PDZRN4: variants seen among roughly 807,000 people sequenced by gnomAD.
PDZRN4 encodes the protein PDZ domain containing ring finger 4.
PDZRN4 carries 70 observed loss-of-function variants against 99.0 expected under a neutral mutation model. The ratio of observed to expected loss-of-function variants is 0.71; its 90% CI spans 0.58 to 0.86. The LOEUF (loss-of-function observed/expected upper bound fraction) is 0.86, where lower values mean the gene tolerates loss of function less well. Ranked by LOEUF, PDZRN4 falls within the 40% of genes least tolerant of loss-of-function variation. The pLI, the probability that PDZRN4 is intolerant of heterozygous loss-of-function variation, is 0.00. For missense variants in PDZRN4, 1,474 were observed against 1,331.2 expected, an observed-to-expected ratio of 1.11 and a Z score of -1.67; for synonymous variants, 551 against 501.6, an observed-to-expected ratio of 1.10 and a Z score of -1.32.
intron 5 of PDZRN4, among the ~76,000 whole-genome samples, chr12:41,520,108 C>A (rs1184184496): frequency 6.6e-6 from 1 of 152,044 alleles, no homozygotes; most frequent in Non-Finnish European, 1.5e-5. Context: ...CTGTTCTATA[C>A]CATTGATTTC....
At chr12:41,522,662 A>G (rs1938512920) in intron 5 of PDZRN4, among the ~76,000 whole-genome samples, 1 of 152,170 alleles carries the variant, frequency 6.6e-6, no homozygotes, top group East Asian at 1.9e-4. Context: ...AGAAAGCCAT[A>G]CGTTCTCTCA....
rs145025729 is a variant in PDZRN4 at position 41,414,842 on chromosome 12, G to A, written c.844-91614G>A. Among the ~76,000 whole-genome samples, 410 of 152,288 alleles carry A rather than the reference G, an allele frequency of 2.7e-3. 7 individuals carry two copies. Among genetic ancestry groups the A allele is most frequent in the Non-Finnish European group, 8.5e-4 (58 of 68,010 alleles). On this transcript the variant is annotated intron_variant, in intron 3 of 9. Coordinates refer to ENST00000402685, the MANE Select transcript of PDZRN4 (RefSeq NM_001164595.2). ...TGTCCCAGAAGTGTCATAGTAAAATGAGTAGGCATTTACAAGACAAAGAGA... is the reference window on the plus strand; with the variant it reads ...TGTCCCAGAAGTGTCATAGTAAAATAAGTAGGCATTTACAAGACAAAGAGA...
Position 41,572,691 on chromosome 12 carries a change from C to T in PDZRN4, c.1912C>T (p.Arg638Ter), listed in dbSNP as rs868359646. 2 of 1,614,000 alleles carry T rather than the reference C, an allele frequency of 1.2e-6. No individual in the cohort carries two copies. Among genetic ancestry groups the T allele is most frequent in the Non-Finnish European group, 1.7e-6 (2 of 1,179,996 alleles). The change falls in exon 10 of 10, where the codon CGA becomes TGA. Residue 638 changes from arginine to a stop codon, truncating the protein, a stop_gained. Transcript: ENST00000402685. LOFTEE classifies it high-confidence loss of function. ...RQLLELKCKIRNHGEYDLYYS... is the reference protein window; with the variant it reads ...RQLLELKCKI ...GCTCTTGGAGCTCAAATGCAAGATTCGAAATCATGGAGAGTATGACCTGTA... is the reference window on the plus strand; with the variant it reads ...GCTCTTGGAGCTCAAATGCAAGATTTGAAATCATGGAGAGTATGACCTGTA...
At chr12:41,532,120 G>T (rs1938671887) in intron 5 of PDZRN4, among the ~76,000 whole-genome samples, 1 of 151,856 alleles carries the variant, frequency 6.6e-6, no homozygotes, top group Admixed American at 6.6e-5. Flanking sequence ...AGAATTTGGG[G>T]CCTAAATTTA....
chr12:41,462,520 T>C (rs553013394), intron 3 of PDZRN4, among the ~76,000 whole-genome samples: 1 of 152,328 alleles, frequency 6.6e-6, no homozygotes, highest in South Asian at 2.1e-4. Context: ...CACCAGTTAG[T>C]CATTCCTTCA....
At chr12:41,330,157 G>A (rs936703332) in intron 3 of PDZRN4, among the ~76,000 whole-genome samples, 8 of 151,996 alleles carry the variant, frequency 5.3e-5, no homozygotes, top group Admixed American at 2.0e-4. Context: ...TCCAAAATTA[G>A]CATAGTGAGT....
At chr12:41,381,303 T>G (rs11835941) in intron 3 of PDZRN4, among the ~76,000 whole-genome samples, 71,796 of 151,918 alleles carry the variant, frequency 0.47, 17,733 homozygotes, top group Middle Eastern at 0.65. Context: ...CTTTCTGCAC[T>G]TTCTGCAACT....
At chr12:41,500,780 T>A (rs756074562) in intron 3 of PDZRN4, among the ~76,000 whole-genome samples, 1 of 152,142 alleles carries the variant, frequency 6.6e-6, no homozygotes, top group Non-Finnish European at 1.5e-5. Flanking sequence ...TAAAATTAAT[T>A]TGAAGATTGT....
At chr12:41,406,075 T>G (rs1192582288) in intron 3 of PDZRN4, among the ~76,000 whole-genome samples, 1 of 151,506 alleles carries the variant, frequency 6.6e-6, no homozygotes, top group Non-Finnish European at 1.5e-5. Context: ...AATAAATAAA[T>G]ACATATTTAA....
intron 3 of PDZRN4, among the ~76,000 whole-genome samples, chr12:41,485,403 C>T (rs1455078119): frequency 2.0e-5 from 3 of 152,142 alleles, no homozygotes; most frequent in African/African-American, 2.4e-5. Context: ...ACGGAAATGA[C>T]AAGTCAGGAA....
intron 4 of PDZRN4, among the ~76,000 whole-genome samples, chr12:41,507,483 A>G (rs1183687603): frequency 2.6e-5 from 4 of 152,032 alleles, no homozygotes; most frequent in African/African-American, 7.2e-5. Flanking sequence ...ACCTACTCCA[A>G]TCCGCTCTCT....
At chr12:41,538,494 A>G (rs373614619) in intron 5 of PDZRN4, among the ~76,000 whole-genome samples, 2 of 152,200 alleles carry the variant, frequency 1.3e-5, no homozygotes, top group South Asian at 2.1e-4. Flanking sequence ...TCGATGATCC[A>G]TGTTTTTGCA....
chr12:41,509,889 C>G lies in PDZRN4; in HGVS notation c.1179C>G (p.Asp393Glu), dbSNP rs1189839681. 11 of 1,586,834 alleles carry G rather than the reference C, an allele frequency of 6.9e-6. No homozygotes were observed. Among genetic ancestry groups the G allele is most frequent in the Non-Finnish European group, 8.6e-6 (10 of 1,158,058 alleles). Reference sequence around the variant, plus strand: ...TTTCCAGCTTGCCTGCTGATGCAGACAGAACAGAAGACTTTGAATATGAGG... The same window carrying G: ...TTTCCAGCTTGCCTGCTGATGCAGAGAGAACAGAAGACTTTGAATATGAGG... ...EYISSLPADA[D>E]RTEDFEYEEV... The change falls in exon 5 of 10, where the codon GAC becomes GAG. Residue 393 changes from aspartate (D) to glutamate (E), a missense_variant. By Grantham distance (45) the Asp-to-Glu change is conservative. Coordinates refer to ENST00000402685, the MANE Select transcript of PDZRN4 (RefSeq NM_001164595.2).
At chr12:41,410,209 G>T (rs59662716) in intron 3 of PDZRN4, among the ~76,000 whole-genome samples, 10,132 of 152,096 alleles carry the variant, frequency 0.067, 840 homozygotes, top group East Asian at 0.18. Flanking sequence ...TTTCTAACAC[G>T]ATTTTTCATG....
rs909025211 is a variant in PDZRN4, at chr12:41,442,610, T to C, written c.844-63846T>C. ...CTGCTGGCGAAGGCCCATATCACTC[T>C]GTCTTCCTCTCTACTTTATATCTAA... On this transcript the variant is annotated intron_variant, in intron 3 of 9. Transcript: ENST00000402685. Among the ~76,000 whole-genome samples the C allele has an allele frequency of 3.9e-5, 6 of 152,320 alleles. No individual in the cohort carries two copies. In the East Asian group the frequency reaches 1.2e-3, roughly 29 times the overall value.
At chr12:41,304,202 T>A (rs776095890) in intron 3 of PDZRN4, among the ~76,000 whole-genome samples, 10 of 152,196 alleles carry the variant, frequency 6.6e-5, no homozygotes, top group Non-Finnish European at 1.5e-4. Context: ...TACAAAGTGC[T>A]TTCCTATATG....
chr12:41,494,571 T>C (rs1235645762), intron 3 of PDZRN4, among the ~76,000 whole-genome samples: 3 of 150,606 alleles, frequency 2.0e-5, no homozygotes, highest in African/African-American at 7.4e-5. Flanking sequence ...GTTGCTATTT[T>C]AAATGCATTT....
intron 3 of PDZRN4, among the ~76,000 whole-genome samples, chr12:41,227,304 AC>A (rs1158335443): frequency 6.6e-6 from 1 of 152,084 alleles, no homozygotes; most frequent in Admixed American, 6.6e-5. Context: ...ATTTTGAATA[AC>A]CCCATTGCTT....
chr12:41,201,581 A>G (rs1950816441), intron 3 of PDZRN4, among the ~76,000 whole-genome samples: 1 of 152,068 alleles, frequency 6.6e-6, no homozygotes, highest in African/African-American at 2.4e-5. Context: ...TTTTCTTTGA[A>G]TGATGGACTA....
Sources: gnomAD v4.1 joint callset for allele counts (sites outside exome capture counted in the v4.1 genomes callset) on GRCh38, gnomAD v4.1.1 for gene constraint, MANE v1.5 for transcripts, NCBI Gene and HGNC (gene_info 2026-07-23, HGNC 2026-07-21) for gene names.